The following FRMD4A variants were observed in gnomAD, a reference collection of about 807,000 sequenced individuals.
FRMD4A encodes FERM domain containing 4A.
In FRMD4A, 29 loss-of-function variants were observed where a neutral mutation model predicts 129.1. That is an observed-to-expected ratio of 0.22 (90% CI 0.17 to 0.31). FRMD4A has a LOEUF of 0.31. Ranked by LOEUF, FRMD4A falls within the 10% of genes least tolerant of loss-of-function variation. The pLI, the probability that FRMD4A is intolerant of heterozygous loss-of-function variation, is 1.00. For missense variants in FRMD4A, 1,272 were observed against 1,375.8 expected (o/e 0.92, Z 1.19); for synonymous variants, 634 against 571.6 (o/e 1.11, Z -1.56).
chr10:13,801,877 CGA>C (rs2093262260), intron 4 of FRMD4A, among the ~76,000 whole-genome samples: 1 of 151,948 alleles, frequency 6.6e-6, no homozygotes, highest in South Asian at 2.1e-4. Context: ...TGGAATGGGA[CGA>C]AAAGTCATAA....
intron 2 of FRMD4A, among the ~76,000 whole-genome samples, chr10:14,096,194 A>G (rs945121854): frequency 6.6e-6 from 1 of 152,218 alleles, no homozygotes; most frequent in African/African-American, 2.4e-5. Flanking sequence ...GTGTCCTTAT[A>G]AAACAGGCTG....
At chr10:14,167,812 T>G (rs932167121) in intron 2 of FRMD4A, among the ~76,000 whole-genome samples, 3 of 151,990 alleles carry the variant, frequency 2.0e-5, no homozygotes, top group Non-Finnish European at 4.4e-5. Context: ...GAAAAGGATA[T>G]GCCCACAGAG....
At position 13,684,650 on chromosome 10, in the gene FRMD4A, T is replaced by C. The variant is rs145070962; in HGVS notation, c.1117+9248A>G. On this transcript the variant is annotated intron_variant, in intron 15 of 24. Transcript: ENST00000357447. ...ACTCAGCACCGGATATGAGCGCACATTCTGCCAGGAGGACGTTGTCAGGAG... is the reference window on the plus strand; with the variant it reads ...ACTCAGCACCGGATATGAGCGCACACTCTGCCAGGAGGACGTTGTCAGGAG... The C allele has an allele frequency of 1.5e-3, 1,497 of 985,380 alleles. 15 individuals carry two copies. In the African/African-American group the frequency reaches 0.024, roughly 16 times the overall value. 61.0% of individuals were successfully genotyped at this position (985,380 alleles called of 1,614,324 possible).
intron 2 of FRMD4A, chr10:13,866,321 C>A: frequency 1.0e-6 from 1 of 970,458 alleles, no homozygotes; most frequent in Non-Finnish European, 1.2e-6. Flanking sequence ...CTGAGGATGT[C>A]GGATGCGGGA....
Position 13,757,172 on chromosome 10 carries a change from T to C in FRMD4A, c.464+4475A>G, listed in dbSNP as rs538351740. 2.2e-3 allele frequency among the ~76,000 whole-genome samples: 337 copies of C among 152,330 alleles called. 1 individual carries two copies. Among genetic ancestry groups the C allele is most frequent in the African/African-American group, 7.7e-3 (321 of 41,566 alleles). The stretch of plus-strand genomic sequence containing the variant: ...CATCGGTTCTTGTCTTCCAAATATT[T>C]GGCCCACAGCTGCCTTTGTTAACAG... On this transcript the variant is annotated intron_variant, in intron 8 of 24. Coordinates refer to ENST00000357447, the MANE Select transcript of FRMD4A (RefSeq NM_018027.5).
At chr10:13,695,018 T>C (rs1250291654) in intron 14 of FRMD4A, among the ~76,000 whole-genome samples, 1 of 152,208 alleles carries the variant, frequency 6.6e-6, no homozygotes, top group Non-Finnish European at 1.5e-5. Context: ...CCTATTATGG[T>C]TCAAAGGATA....
At chr10:14,183,300 A>T (rs945634047) in intron 2 of FRMD4A, among the ~76,000 whole-genome samples, 3 of 152,358 alleles carry the variant, frequency 2.0e-5, no homozygotes, top group African/African-American at 7.2e-5. Context: ...AAAGTTACAC[A>T]TTAATTTATT....
At chr10:14,121,115 C>T (rs1838487341) in intron 2 of FRMD4A, among the ~76,000 whole-genome samples, 1 of 152,154 alleles carries the variant, frequency 6.6e-6, no homozygotes, top group Admixed American at 6.5e-5. Context: ...CACCTGTAAT[C>T]CCAGCACTTT....
intron 2 of FRMD4A, among the ~76,000 whole-genome samples, chr10:13,925,551 T>C (rs2095121771): frequency 1.4e-5 from 2 of 146,282 alleles, no homozygotes; most frequent in South Asian, 4.3e-4. Flanking sequence ...TGAAAGTTTC[T>C]ATTGTAGTGA....
At chr10:13,727,073 T>G (rs1018661693) in intron 12 of FRMD4A, among the ~76,000 whole-genome samples, 1 of 152,168 alleles carries the variant, frequency 6.6e-6, no homozygotes, top group Non-Finnish European at 1.5e-5. Flanking sequence ...CAGCTAATTT[T>G]GTATTTTTAG....
At chr10:13,854,118 A>G (rs573166596) in intron 3 of FRMD4A, among the ~76,000 whole-genome samples, 1 of 152,268 alleles carries the variant, frequency 6.6e-6, no homozygotes, top group African/African-American at 2.4e-5. Context: ...AATCTTTCCT[A>G]CTAACGGCTT....
intron 2 of FRMD4A, among the ~76,000 whole-genome samples, chr10:14,201,987 A>G (rs1842650565): frequency 6.6e-6 from 1 of 151,760 alleles, no homozygotes; most frequent in Admixed American, 6.6e-5. Context: ...CAAACAAACA[A>G]ATTAGCTGGG....
At chr10:13,886,906 C>T (rs993593776) in intron 2 of FRMD4A, among the ~76,000 whole-genome samples, 7 of 152,124 alleles carry the variant, frequency 4.6e-5, no homozygotes, top group South Asian at 2.1e-4. Context: ...GCAGTAGCCA[C>T]GGATTGGCAA....
chr10:13,679,590 A>G (rs2084349343), intron 15 of FRMD4A, among the ~76,000 whole-genome samples: 1 of 149,598 alleles, frequency 6.7e-6, no homozygotes, highest in Non-Finnish European at 1.5e-5. Flanking sequence ...GGTGGGGTCA[A>G]GGAGGTTCTG....
At chr10:14,244,106 C>A (rs935349793) in intron 2 of FRMD4A, among the ~76,000 whole-genome samples, 2 of 152,140 alleles carry the variant, frequency 1.3e-5, no homozygotes, top group Non-Finnish European at 2.9e-5. Context: ...TCAATTAGCC[C>A]CCTTAATTAG....
chr10:14,088,962 G>C (rs1303433942), intron 2 of FRMD4A, among the ~76,000 whole-genome samples: 2 of 151,966 alleles, frequency 1.3e-5, no homozygotes, highest in Admixed American at 6.6e-5. Flanking sequence ...CTGTGTGCTT[G>C]TCAGTTCTCC....
intron 2 of FRMD4A, among the ~76,000 whole-genome samples, chr10:14,093,723 A>G (rs1409574260): frequency 2.4e-5 from 3 of 123,084 alleles, no homozygotes; most frequent in Non-Finnish European, 3.5e-5. Flanking sequence ...TCATCATTTA[A>G]TAGAGACTAG....
At chr10:14,032,135 T>C (rs1833275728) in intron 2 of FRMD4A, among the ~76,000 whole-genome samples, 1 of 152,188 alleles carries the variant, frequency 6.6e-6, no homozygotes, top group Non-Finnish European at 1.5e-5. Flanking sequence ...ACTCCCTTAC[T>C]GTCCTCAAAT....
At chr10:13,715,508 T>C (rs2088692755) in intron 12 of FRMD4A, among the ~76,000 whole-genome samples, 1 of 152,202 alleles carries the variant, frequency 6.6e-6, no homozygotes, top group African/African-American at 2.4e-5. Flanking sequence ...TTTTTCATCT[T>C]TGAAATAATA....
Sources: gnomAD v4.1 joint callset for allele counts (sites outside exome capture counted in the v4.1 genomes callset) on GRCh38, gnomAD v4.1.1 for gene constraint, MANE v1.5 for transcripts, NCBI Gene and HGNC (gene_info 2026-07-23, HGNC 2026-07-21) for gene names.